HLA-DPA1: variants seen among roughly 807,000 people sequenced by gnomAD.
The protein encoded by HLA-DPA1 is major histocompatibility complex, class II, DP alpha 1, also known as HLA class II histocompatibility antigen, DP alpha 1 chain.
Under a neutral mutation model 21.5 loss-of-function variants are expected in HLA-DPA1, and 20 were observed. The observed-to-expected ratio is 0.93, with a 90% CI of 0.66 to 1.35. HLA-DPA1 has a LOEUF of 1.35. HLA-DPA1 is among the 40% of genes most tolerant of loss of function. The pLI is 0.00. For missense variants in HLA-DPA1, 279 were observed against 323.0 expected, an observed-to-expected ratio of 0.86 and a Z score of 1.05; for synonymous variants, 123 against 129.6, an observed-to-expected ratio of 0.95 and a Z score of 0.35.
chr6:33,064,823 A>G (rs17214567), exon 6 of HLA-DPA1: 44,023 of 151,906 alleles, frequency 0.29, 8,426 homozygotes, highest in East Asian at 0.69. Context: ...TCCTTTCTCT[A>G]CCCCACCCTA....
chr6:33,073,469 A>G lies in HLA-DPA1; in HGVS notation c.100+2T>C. Reference sequence around the variant, plus strand: ...CGCTCCTGCGTCCTCCTGAGCACTCACCCTTGATGGCCCCAGCTCCTCGGA... The same window carrying G: ...CGCTCCTGCGTCCTCCTGAGCACTCGCCCTTGATGGCCCCAGCTCCTCGGA... On this transcript the variant is annotated splice_donor_variant, in intron 2 of 5. Transcript: ENST00000419277. LOFTEE classifies it high-confidence loss of function. The G allele has an allele frequency of 6.2e-7, 1 of 1,606,404 alleles. No individual in the cohort carries two copies. The highest frequency in any genetic ancestry group is 8.5e-7 in the Non-Finnish European group (1 of 1,174,100).
intron 2 of HLA-DPA1, among the ~76,000 whole-genome samples, chr6:33,070,506 A>G (rs78103064): frequency 0.092 from 14,030 of 152,200 alleles, 1,551 homozygotes; most frequent in East Asian, 0.55. Context: ...AAAAAAATAC[A>G]AAATTGAGAG....
In HLA-DPA1 at chr6:33,071,191, A is replaced by G. The variant is rs147316561; in HGVS notation, c.101-1305T>C. Among the ~76,000 whole-genome samples, 540 of 151,530 alleles carry G rather than the reference A, an allele frequency of 3.6e-3. 3 individuals are homozygous for G. Among genetic ancestry groups the G allele is most frequent in the East Asian group, 0.026 (133 of 5,126 alleles). ...CTTGCCACTGTAATTGTAAGTGTCT[A>G]GAGGGTATGACCTGTGTCTTATTTT... On this transcript the variant is annotated intron_variant, in intron 2 of 5. Transcript: ENST00000419277.
chr6:33,069,960 A>T, intron 2 of HLA-DPA1, 74 bp from the exon 2 acceptor site: 1 of 1,354,666 alleles, frequency 7.4e-7, no homozygotes, highest in Non-Finnish European at 1.0e-6. Context: ...CTAGAGAATG[A>T]ATAAAGACTT....
intron 1 of HLA-DPA1, among the ~76,000 whole-genome samples, chr6:33,076,326 T>C (rs113555826): frequency 5.9e-5 from 9 of 152,356 alleles, no homozygotes; most frequent in South Asian, 2.1e-4. Context: ...TACTGGCCTA[T>C]TCTCTCTCCA....
At chr6:33,068,566 A>G in intron 5 of HLA-DPA1, 72 bp downstream of exon 4, 1 of 1,233,126 alleles carries the variant, frequency 8.1e-7, no homozygotes, top group Non-Finnish European at 1.1e-6. Context: ...ATCAATGAAC[A>G]CTTATCAGAT....
rs1036921094 is a variant in HLA-DPA1 at position 33,080,190 on chromosome 6, T to C, written c.-100+490A>G. ...GTCGAGAAGAGAGAGCGCTTAGCTA[T>C]GGAAAAGAGAAAGAAGGAAGGGAGG... On this transcript the variant is annotated intron_variant, in intron 1 of 5. Coordinates refer to ENST00000419277, the Ensembl canonical transcript of HLA-DPA1. The surrounding 1 kb of genome is among the most constrained non-coding windows in gnomAD (Gnocchi z 4.3). Among the ~76,000 whole-genome samples, 2 of 152,126 alleles carry C rather than the reference T, an allele frequency of 1.3e-5. No individual in the cohort carries two copies. The highest frequency in any genetic ancestry group is 6.5e-5 in the Admixed American group (1 of 15,278).
intron 3 of HLA-DPA1, 51 bp from the exon 3 acceptor site, chr6:33,069,351 A>G (rs886666238): frequency 6.4e-7 from 1 of 1,550,798 alleles, no homozygotes; most frequent in African/African-American, 1.4e-5. Context: ...TGAATCACAA[A>G]GGCTCCACCT....
intron 1 of HLA-DPA1, among the ~76,000 whole-genome samples, chr6:33,077,292 G>A (rs1262922278): frequency 2.0e-5 from 3 of 152,040 alleles, no homozygotes; most frequent in Non-Finnish European, 4.4e-5. Context: ...GTGTATATGT[G>A]TGCATTTTCT....
chr6:33,079,436 C>G, intron 1 of HLA-DPA1: 1 of 233,960 alleles, frequency 4.3e-6, no homozygotes, highest in South Asian at 5.9e-5. Context: ...TGGCAGCCAT[C>G]TCTTCCTCCA....
chr6:33,072,263 A>T (rs150037546), intron 2 of HLA-DPA1, among the ~76,000 whole-genome samples: 1 of 152,340 alleles, frequency 6.6e-6, no homozygotes, highest in East Asian at 1.9e-4. Context: ...GGGATGTACC[A>T]GAGACAAGTC....
chr6:33,075,208 A>G (rs1762478491), intron 1 of HLA-DPA1, among the ~76,000 whole-genome samples: 1 of 152,166 alleles, frequency 6.6e-6, no homozygotes. Context: ...ATTTTTCCAA[A>G]GCAATTTCAG....
At chr6:33,068,587 C>G in intron 5 of HLA-DPA1, 51 bp downstream of exon 4, 1 of 1,448,974 alleles carries the variant, frequency 6.9e-7, no homozygotes, top group Non-Finnish European at 9.4e-7. Flanking sequence ...TGAATTTTTC[C>G]TCCCTTCCTT....
In HLA-DPA1 at chr6:33,080,627, T is replaced by C. The variant is rs1762787290; in HGVS notation, c.-100+53A>G. On this transcript the variant is annotated intron_variant, in intron 1 of 5. Coordinates refer to ENST00000419277, the Ensembl canonical transcript of HLA-DPA1. This position sits in a 1 kb window ranked among gnomAD's most constrained non-coding sequence, Gnocchi z 4.3. The stretch of plus-strand genomic sequence containing the variant: ...TGAGAGAGAGAGGGAGAAAGAGGAT[T>C]AGATGAGAGTGGCGCCTCCGCTCAT... The C allele has an allele frequency of 6.2e-7, 1 of 1,609,874 alleles. No homozygotes were observed. The highest frequency in any genetic ancestry group is 1.3e-5 in the African/African-American group (1 of 74,714).
intron 1 of HLA-DPA1, chr6:33,073,857 G>T (rs1214091185): frequency 5.5e-6 from 2 of 364,964 alleles, no homozygotes; most frequent in Non-Finnish European, 9.8e-6. Context: ...TAGAGAAAGA[G>T]ATGTAAAAAG....
At chr6:33,069,466 T>A in intron 3 of HLA-DPA1, 166 bp from the exon 3 acceptor site, 2 of 1,037,608 alleles carry the variant, frequency 1.9e-6, no homozygotes, top group South Asian at 3.2e-5. Context: ...CTCACCTTTC[T>A]CTCTCCTGAG....
exon 3 of HLA-DPA1, chr6:33,069,648 G>A: frequency 1.2e-6 from 2 of 1,612,218 alleles, no homozygotes; most frequent in Non-Finnish European, 1.7e-6. Context: ...TACCGTTGGT[G>A]GCCTGAGTGT....
At chr6:33,069,438 C>T in intron 3 of HLA-DPA1, 138 bp from the exon 3 acceptor site, 1 of 1,044,706 alleles carries the variant, frequency 9.6e-7, no homozygotes, top group South Asian at 1.6e-5. Context: ...TATCACACCA[C>T]TGACCAGCCT....
intron 5 of HLA-DPA1, chr6:33,066,071 C>A (rs1190504109): frequency 1.3e-5 from 2 of 152,210 alleles, no homozygotes; most frequent in Non-Finnish European, 2.9e-5. Flanking sequence ...TCCCAGCCCT[C>A]TTTTCCATTC....
Sources: allele counts gnomAD v4.1 joint callset (sites outside exome capture counted in the v4.1 genomes callset), GRCh38; gene constraint gnomAD v4.1.1; non-coding constraint Gnocchi (gnomAD v3.1); transcripts MANE v1.5; gene names NCBI Gene and HGNC (gene_info 2026-07-23, HGNC 2026-07-21).